Variants in NALF1 observed in about 807,000 individuals in gnomAD.
NALF1 encodes the protein family with sequence similarity 155 member A.
A neutral mutation model predicts 48.4 loss-of-function variants in NALF1; 3 were observed. The observed-to-expected ratio is 0.06, with a 90% CI of 0.03 to 0.16. NALF1 has a LOEUF of 0.16. Ranked by LOEUF, NALF1 falls within the 10% of genes least tolerant of loss-of-function variation. NALF1 has a pLI of 1.00. For synonymous variants in NALF1, 262 were observed against 245.7 expected, an observed-to-expected ratio of 1.07 and a Z score of -0.62; for missense variants, 526 against 571.5, an observed-to-expected ratio of 0.92 and a Z score of 0.81.
intron 1 of NALF1, among the ~76,000 whole-genome samples, chr13:107,540,071 T>C (rs201084342): frequency 7.4e-4 from 58 of 78,022 alleles, no homozygotes; most frequent in East Asian, 2.5e-3. Flanking sequence ...CACACACACA[T>C]ACACATATTA....
intron 1 of NALF1, among the ~76,000 whole-genome samples, chr13:107,734,792 C>T (rs1464408346): frequency 6.6e-6 from 1 of 151,996 alleles, no homozygotes; most frequent in Admixed American, 6.6e-5. Context: ...ATGATGATAA[C>T]TACCATTGAC....
intron 1 of NALF1, among the ~76,000 whole-genome samples, chr13:107,753,675 A>C (rs1451654041): frequency 1.3e-5 from 2 of 152,284 alleles, no homozygotes; most frequent in African/African-American, 4.8e-5. Context: ...GATTTTATGC[A>C]ATTTTCCTCT....
In NALF1 at chr13:107,686,903, G is replaced by T. The variant is rs1265430992; in HGVS notation, c.915+178779C>A. ...GAAAACAGTATGGGAATTTCTCAAA[G>T]AACTAAAAATAGATCTACCATTTGA... On this transcript the variant is annotated intron_variant, in intron 1 of 2. Coordinates refer to ENST00000375915, the MANE Select transcript of NALF1 (RefSeq NM_001080396.3). Among the ~76,000 whole-genome samples the T allele has an allele frequency of 3.9e-5, 6 of 152,170 alleles. No individual in the cohort carries two copies. The East Asian group carries it at 1.2e-3, about 29-fold the overall frequency.
At chr13:107,851,922 C>T (rs1404694233) in intron 1 of NALF1, among the ~76,000 whole-genome samples, 2 of 149,570 alleles carry the variant, frequency 1.3e-5, no homozygotes, top group Non-Finnish European at 3.0e-5. Flanking sequence ...AACCCTCCTA[C>T]CTCAGTCCCC....
At chr13:107,847,068 G>A (rs993150887) in intron 1 of NALF1, among the ~76,000 whole-genome samples, 15 of 151,988 alleles carry the variant, frequency 9.9e-5, no homozygotes, top group African/African-American at 3.6e-4. Context: ...GCAAACTTTA[G>A]AGTTGATTTT....
rs185951128 is a variant in NALF1 at position 107,730,530 on chromosome 13, G to A, written c.915+135152C>T. Among the ~76,000 whole-genome samples, 299 of 152,216 alleles carry A rather than the reference G, an allele frequency of 2.0e-3. 3 individuals carry two copies. Among genetic ancestry groups the A allele is most frequent in the Non-Finnish European group, 1.4e-3 (98 of 68,016 alleles). The stretch of plus-strand genomic sequence containing the variant: ...TCGATTTAATTTATTGGCTGGAATC[G>A]AAATGAGTCTCTAATAATTCCTAAT... On this transcript the variant is annotated intron_variant, in intron 1 of 2. Transcript: ENST00000375915.
At chr13:107,296,731 C>T (rs1486651273) in intron 1 of NALF1, among the ~76,000 whole-genome samples, 1 of 151,798 alleles carries the variant, frequency 6.6e-6, no homozygotes, top group South Asian at 2.1e-4. Context: ...TGTACAAAGG[C>T]GATGGTCTCT....
chr13:107,711,460 G>A (rs1017776375), intron 1 of NALF1, among the ~76,000 whole-genome samples: 16 of 152,170 alleles, frequency 1.1e-4, no homozygotes, highest in Non-Finnish European at 2.1e-4. Context: ...CTCAGCCTCT[G>A]GAGTAGCTGG....
intron 2 of NALF1, among the ~76,000 whole-genome samples, chr13:107,205,058 G>A (rs377641638): frequency 2.6e-5 from 4 of 150,976 alleles, no homozygotes; most frequent in Admixed American, 2.0e-4. Context: ...ACATTGTGCA[G>A]GTTAGTTACA....
chr13:107,509,424 T>C (rs1479504740), intron 1 of NALF1, among the ~76,000 whole-genome samples: 2 of 152,158 alleles, frequency 1.3e-5, no homozygotes, highest in Admixed American at 1.3e-4. Flanking sequence ...ACAATGATTT[T>C]TGTAGCAAAA....
At chr13:107,538,848 A>T (rs1876915755) in intron 1 of NALF1, among the ~76,000 whole-genome samples, 1 of 152,192 alleles carries the variant, frequency 6.6e-6, no homozygotes, top group African/African-American at 2.4e-5. Context: ...GGTCCAGCAT[A>T]GCACTTTAAA....
intron 1 of NALF1, among the ~76,000 whole-genome samples, chr13:107,361,896 T>C (rs1251682792): frequency 6.6e-6 from 1 of 152,130 alleles, no homozygotes; most frequent in Non-Finnish European, 1.5e-5. Context: ...CTTTAGGCAA[T>C]GGAGGGTGAG....
At chr13:107,183,020 C>G (rs1402525130) in intron 2 of NALF1, among the ~76,000 whole-genome samples, 1 of 152,194 alleles carries the variant, frequency 6.6e-6, no homozygotes, top group Non-Finnish European at 1.5e-5. Context: ...TATTGTATGG[C>G]CATGAGAAAG....
chr13:107,520,809 T>A (rs1460316101), intron 1 of NALF1, among the ~76,000 whole-genome samples: 2 of 152,112 alleles, frequency 1.3e-5, no homozygotes, highest in Non-Finnish European at 2.9e-5. Context: ...TCCCCGCATA[T>A]TTTTCAACAC....
intron 1 of NALF1, among the ~76,000 whole-genome samples, chr13:107,365,550 C>T (rs1032612034): frequency 2.0e-5 from 3 of 152,160 alleles, no homozygotes. Flanking sequence ...GTATGGATAT[C>T]ATATTTGTGG....
At chr13:107,530,186 G>A (rs547877267) in intron 1 of NALF1, among the ~76,000 whole-genome samples, 8 of 152,090 alleles carry the variant, frequency 5.3e-5, no homozygotes, top group South Asian at 4.1e-4. Flanking sequence ...TCAGTCTTAT[G>A]CTTTATAGCT....
intron 1 of NALF1, among the ~76,000 whole-genome samples, chr13:107,774,425 T>C (rs997141918): frequency 1.3e-5 from 2 of 152,192 alleles, no homozygotes; most frequent in Non-Finnish European, 2.9e-5. Context: ...TAGGACAAAA[T>C]CCTAAGAAAT....
intron 1 of NALF1, among the ~76,000 whole-genome samples, chr13:107,734,557 G>T (rs183514204): frequency 4.7e-4 from 71 of 152,098 alleles, no homozygotes; most frequent in African/African-American, 1.6e-3. Context: ...TAAAGCCGTG[G>T]TACATAGTAA....
chr13:107,759,995 A>G (rs998308035), intron 1 of NALF1, among the ~76,000 whole-genome samples: 1 of 152,188 alleles, frequency 6.6e-6, no homozygotes, highest in Non-Finnish European at 1.5e-5. Context: ...ATCTAGTAAT[A>G]ATCTGTAATT....
Sources: gnomAD v4.1 joint callset for allele counts (sites outside exome capture counted in the v4.1 genomes callset) on GRCh38, gnomAD v4.1.1 for gene constraint, MANE v1.5 for transcripts, NCBI Gene and HGNC (gene_info 2026-07-23, HGNC 2026-07-21) for gene names.